Variants in KAT2B observed in about 807,000 individuals in gnomAD.
KAT2B encodes histone acetyltransferase KAT2B.
KAT2B carries 36 observed loss-of-function variants against 105.9 expected under a neutral mutation model. That is an observed-to-expected ratio of 0.34 (90% CI 0.26 to 0.45). KAT2B has a LOEUF of 0.45. KAT2B is among the 20% of genes least tolerant of loss of function. KAT2B has a pLI of 1.00. For missense variants in KAT2B, 820 were observed against 1,021.6 expected (o/e 0.80, Z 2.69); for synonymous variants, 397 against 377.9 (o/e 1.05, Z -0.59).
chr3:20,115,849 C>A lies in KAT2B; in HGVS notation c.1150+861C>A, dbSNP rs140783456. On this transcript the variant is annotated intron_variant, in intron 7 of 17. Transcript: ENST00000263754. The stretch of plus-strand genomic sequence containing the variant: ...TACAGTTTTGCCTTTTCCAGAATGT[C>A]ATAGGAGTGGAATCATATAGTAGAT... Among the ~76,000 whole-genome samples, 275 of 152,210 alleles carry A rather than the reference C, an allele frequency of 1.8e-3. 4 individuals are homozygous for A. Among genetic ancestry groups the A allele is most frequent in the African/African-American group, 6.4e-3 (267 of 41,540 alleles).
intron 17 of KAT2B, among the ~76,000 whole-genome samples, chr3:20,149,472 G>A (rs1483482651): frequency 1.0e-5 from 1 of 97,470 alleles, no homozygotes; most frequent in Non-Finnish European, 2.0e-5. Context: ...CTTCAGCCTG[G>A]GCACTGGAGG....
intron 1 of KAT2B, among the ~76,000 whole-genome samples, chr3:20,069,600 A>T (rs1027724067): frequency 2.7e-5 from 4 of 149,222 alleles, no homozygotes; most frequent in African/African-American, 5.0e-5. Context: ...ATCTCAGCTC[A>T]CGGCAACCTC....
intron 1 of KAT2B, among the ~76,000 whole-genome samples, chr3:20,043,086 G>A (rs1349201885): frequency 6.6e-6 from 1 of 151,956 alleles, no homozygotes; most frequent in Non-Finnish European, 1.5e-5. Flanking sequence ...TGTATTCTTT[G>A]TAGAGATAGG....
intron 2 of KAT2B, among the ~76,000 whole-genome samples, chr3:20,077,869 G>A (rs1698446579): frequency 6.6e-6 from 1 of 152,062 alleles, no homozygotes; most frequent in Non-Finnish European, 1.5e-5. Flanking sequence ...CTTATTTTGG[G>A]ACTGCTATTT....
rs767728550 is a variant in KAT2B at position 20,152,533 on chromosome 3, T to C, written c.*8T>C. 87 of 1,608,806 alleles carry C rather than the reference T, an allele frequency of 5.4e-5. No individual in the cohort carries two copies. The Middle Eastern group carries it at 9.9e-4, about 18-fold the overall frequency. ...GGATTAATTGACAAGTGATTTTTTT[T>C]CCCCTCTGCTTCTTAGAAACTCACC... On this transcript the variant is annotated 3_prime_UTR_variant, in exon 18 of 18. Coordinates refer to ENST00000263754, the MANE Select transcript of KAT2B (RefSeq NM_003884.5).
intron 3 of KAT2B, 73 bp from the exon 4 acceptor site, chr3:20,099,787 CAG>C (rs1698876937): frequency 6.9e-6 from 5 of 722,794 alleles, no homozygotes; most frequent in African/African-American, 1.8e-5. Flanking sequence ...CAGACAGAAA[CAG>C]AAGAGAGAGG....
intron 3 of KAT2B, among the ~76,000 whole-genome samples, chr3:20,097,891 A>G (rs545089473): frequency 2.0e-5 from 3 of 151,978 alleles, no homozygotes; most frequent in East Asian, 3.9e-4. Flanking sequence ...TCATGTGTCA[A>G]TAATTAAAGT....
rs36058009 is a variant in KAT2B at position 20,063,534 on chromosome 3, C to CTTTTTTTTT, written c.304-8777_304-8769dup. On this transcript the variant is annotated intron_variant, in intron 1 of 17. Transcript: ENST00000263754. Reference sequence around the variant, plus strand: ...CTCACAGCAACTTCTGAGTAGGCCTCTTTTTTTTTTTTTTTTTTTTTTTTT... The same window carrying CTTTTTTTTT: ...CTCACAGCAACTTCTGAGTAGGCCTCTTTTTTTTTTTTTTTTTTTTTTTTTTTTTTTTTT... Among the ~76,000 whole-genome samples the CTTTTTTTTT allele has an allele frequency of 7.9e-5, 7 of 88,838 alleles. 1 individual carries two copies. The highest frequency in any genetic ancestry group is 1.5e-4 in the Non-Finnish European group (7 of 45,372). The allele number at this position is 88,838 out of a possible 152,430, so 58.3% of individuals were successfully genotyped here.
At chr3:20,092,336 C>T (rs1015354557) in intron 2 of KAT2B, among the ~76,000 whole-genome samples, 1 of 151,664 alleles carries the variant, frequency 6.6e-6, no homozygotes, top group African/African-American at 2.4e-5. Context: ...TCAAGTGATC[C>T]TCTCCCATCA....
At chr3:20,069,556 C>T (rs1177372192) in intron 1 of KAT2B, among the ~76,000 whole-genome samples, 2 of 146,092 alleles carry the variant, frequency 1.4e-5, no homozygotes, top group African/African-American at 5.1e-5. Context: ...GACAGAGTCT[C>T]ACTCTGTCGC....
At chr3:20,152,062 G>T (rs1699877827) in intron 17 of KAT2B, among the ~76,000 whole-genome samples, 1 of 152,078 alleles carries the variant, frequency 6.6e-6, no homozygotes. Flanking sequence ...TAGCTTCCTT[G>T]TGCTGAATAG....
rs549110936 is a variant in KAT2B at position 20,086,436 on chromosome 3, G to A, written c.431-8827G>A. On this transcript the variant is annotated intron_variant, in intron 2 of 17. Transcript: ENST00000263754. ...CAACATGGTGAAACTTTGCGCCAAC[G>A]GAAAATACAAAAAAATTAGCCAGGC... 3.3e-5 allele frequency among the ~76,000 whole-genome samples: 5 copies of A among 152,070 alleles called. No homozygotes were observed. In the East Asian group the frequency reaches 9.7e-4, roughly 30 times the overall value.
intron 1 of KAT2B, among the ~76,000 whole-genome samples, chr3:20,044,246 C>T (rs1217802033): frequency 2.0e-5 from 3 of 151,432 alleles, no homozygotes; most frequent in Admixed American, 6.6e-5. Context: ...TTTGGGAGGC[C>T]GAGGCGGGAG....
At chr3:20,123,010 C>T (rs1699338049) in intron 9 of KAT2B, 1 of 923,938 alleles carries the variant, frequency 1.1e-6, no homozygotes, top group Non-Finnish European at 1.3e-6. Flanking sequence ...CACAGGTCCA[C>T]TTACTAATAA....
chr3:20,127,398 C>T (rs747308010), intron 10 of KAT2B, 25 bp from the exon 11 acceptor site: 1 of 1,604,840 alleles, frequency 6.2e-7, no homozygotes, highest in East Asian at 2.2e-5. Context: ...ATAGGTAAAA[C>T]TTTGACATAA....
At chr3:20,112,022 C>A (rs1699130899) in intron 6 of KAT2B, among the ~76,000 whole-genome samples, 1 of 152,154 alleles carries the variant, frequency 6.6e-6, no homozygotes, top group African/African-American at 2.4e-5. Flanking sequence ...CCTCGTCCTA[C>A]CTGAGTCATT....
intron 13 of KAT2B, among the ~76,000 whole-genome samples, chr3:20,144,218 G>C (rs929996038): frequency 2.0e-5 from 3 of 147,154 alleles, no homozygotes; most frequent in African/African-American, 7.5e-5. Flanking sequence ...CTTTCAAATT[G>C]AAACAGTCTT....
chr3:20,106,955 TTATGTGTATATATATATATA>T (rs1699016691), intron 5 of KAT2B, among the ~76,000 whole-genome samples: 2 of 94,932 alleles, frequency 2.1e-5, no homozygotes, highest in African/African-American at 9.0e-5. Flanking sequence ...ATTCTGAATT[TTATGTGTATATATATATATA>T]TATGTATATA....
rs562684063 is a variant in KAT2B, at chr3:20,116,623, C to A, written c.1150+1635C>A. Among the ~76,000 whole-genome samples the A allele has an allele frequency of 7.0e-4, 106 of 152,204 alleles. 1 individual carries two copies. The highest frequency in any genetic ancestry group is 3.4e-3 in the Middle Eastern group (1 of 294). ...CAATTCTCACCTCATATTATCCTAG[C>A]CCCTTTTTTTCTGTATGTCTTTTCA... On this transcript the variant is annotated intron_variant, in intron 7 of 17. Transcript: ENST00000263754.
Sources: allele counts gnomAD v4.1 joint callset (sites outside exome capture counted in the v4.1 genomes callset), GRCh38; gene constraint gnomAD v4.1.1; transcripts MANE v1.5; gene names NCBI Gene and HGNC (gene_info 2026-07-23, HGNC 2026-07-21).